The following STRN3 variants were observed in gnomAD, a reference collection of about 807,000 sequenced individuals.
The protein encoded by STRN3 is striatin 3, also known as striatin-3.
Under a neutral mutation model 95.6 loss-of-function variants are expected in STRN3, and 29 were observed. That is an observed-to-expected ratio of 0.30 (90% CI 0.23 to 0.41). STRN3 has a LOEUF of 0.41. Ranked by LOEUF, STRN3 falls within the 10% of genes least tolerant of loss-of-function variation. STRN3 has a pLI of 1.00. For missense variants in STRN3, 890 were observed against 972.1 expected (o/e 0.92, Z 1.12); for synonymous variants, 331 against 357.6 (o/e 0.93, Z 0.84).
intron 5 of STRN3, among the ~76,000 whole-genome samples, chr14:30,939,859 T>C (rs1405987576): frequency 6.6e-6 from 1 of 152,152 alleles, no homozygotes; most frequent in African/African-American, 2.4e-5. Flanking sequence ...CCATCCCACA[T>C]CCACACTTCC....
At chr14:30,993,652 T>C (rs1235634749) in intron 1 of STRN3, among the ~76,000 whole-genome samples, 1 of 152,178 alleles carries the variant, frequency 6.6e-6, no homozygotes, top group African/African-American at 2.4e-5. Context: ...ACATGTAAAA[T>C]ATGACTAACA....
rs967289334 is a variant in STRN3 at position 30,921,470 on chromosome 14, GAC to G, written c.1100-2366_1100-2365del. 1.5e-3 allele frequency among the ~76,000 whole-genome samples: 227 copies of G among 152,244 alleles called. 8 individuals carry two copies. The highest frequency in any genetic ancestry group is 0.015 in the Admixed American group (225 of 15,292). On this transcript the variant is annotated intron_variant, in intron 8 of 17. Transcript: ENST00000357479. Reference sequence around the variant, plus strand: ...TACTATAGCCTGATAGCTTCAGTGTGACACAGTGCCAAGTTGAGGAAATGATG... The same window carrying G: ...TACTATAGCCTGATAGCTTCAGTGTGACAGTGCCAAGTTGAGGAAATGATG...
chr14:30,988,261 C>A (rs1381799412), intron 1 of STRN3, among the ~76,000 whole-genome samples: 1 of 152,128 alleles, frequency 6.6e-6, no homozygotes, highest in East Asian at 1.9e-4. Context: ...AGCACTTTGG[C>A]CTCATAAGCA....
At chr14:30,918,842 C>T in intron 9 of STRN3, 124 bp downstream of exon 9, 2 of 1,007,286 alleles carry the variant, frequency 2.0e-6, no homozygotes, top group South Asian at 3.4e-5. Context: ...TTGCCCAACA[C>T]CTTCTCTAAA....
At chr14:30,943,339 TTAGGAG>T (rs1879184352) in intron 5 of STRN3, among the ~76,000 whole-genome samples, 1 of 152,110 alleles carries the variant, frequency 6.6e-6, no homozygotes, top group Admixed American at 6.5e-5. Flanking sequence ...TCTTAGCACT[TTAGGAG>T]GCTGAGGCAG....
intron 15 of STRN3, among the ~76,000 whole-genome samples, chr14:30,904,137 C>G (rs766839988): frequency 1.3e-5 from 2 of 152,150 alleles, no homozygotes; most frequent in African/African-American, 2.4e-5. Flanking sequence ...AATACCATTT[C>G]CCACTAAAAG....
chr14:30,974,525 C>G (rs778346432), intron 1 of STRN3, among the ~76,000 whole-genome samples: 5 of 151,012 alleles, frequency 3.3e-5, no homozygotes, highest in Non-Finnish European at 7.4e-5. Context: ...TTATCAAAAT[C>G]CCAACTTTAT....
At chr14:30,908,971 T>C (rs1896538734) in intron 13 of STRN3, among the ~76,000 whole-genome samples, 4 of 152,244 alleles carry the variant, frequency 2.6e-5, no homozygotes. Context: ...GCCTAAAATC[T>C]GAACTCACCA....
chr14:30,984,137 A>AGC (rs1211021789), intron 1 of STRN3, among the ~76,000 whole-genome samples: 4,228 of 56,174 alleles, frequency 0.075, 118 homozygotes, highest in Non-Finnish European at 0.12. Context: ...GCCCCCCCCA[A>AGC]CCCCCCCCCA....
chr14:30,988,790 T>C (rs967088786), intron 1 of STRN3, among the ~76,000 whole-genome samples: 2 of 152,242 alleles, frequency 1.3e-5, no homozygotes, highest in Non-Finnish European at 2.9e-5. Flanking sequence ...AAGTGAAACA[T>C]GCAACATTCC....
chr14:30,946,922 T>C lies in STRN3; in HGVS notation c.716+168A>G, dbSNP rs142557390. Among the ~76,000 whole-genome samples, 186 of 146,148 alleles carry C rather than the reference T, an allele frequency of 1.3e-3. 2 individuals carry two copies. In the East Asian group the frequency reaches 0.03, roughly 24 times the overall value. ...TGAGCCTGGGAGGCGGAGGTTGCAG[T>C]GAGCCGAGATCGTACCATTGCACTC... On this transcript the variant is annotated intron_variant, in intron 5 of 17. Coordinates refer to ENST00000357479, the MANE Select transcript of STRN3 (RefSeq NM_001083893.2).
At chr14:30,948,809 A>G (rs925708296) in intron 4 of STRN3, among the ~76,000 whole-genome samples, 1 of 152,204 alleles carries the variant, frequency 6.6e-6, no homozygotes, top group African/African-American at 2.4e-5. Flanking sequence ...TATGAGAGGA[A>G]TACTGTCCAA....
At chr14:30,918,499 A>T (rs1896796496) in intron 9 of STRN3, among the ~76,000 whole-genome samples, 1 of 142,694 alleles carries the variant, frequency 7.0e-6, no homozygotes, top group Non-Finnish European at 1.5e-5. Flanking sequence ...ACAGAGTGAG[A>T]CTCTGTCTCA....
chr14:30,916,338 G>C (rs982594040), intron 9 of STRN3, among the ~76,000 whole-genome samples: 1 of 149,784 alleles, frequency 6.7e-6, no homozygotes, highest in African/African-American at 2.5e-5. Context: ...GCAGTGGCGC[G>C]ATCTCGGCTC....
At chr14:30,998,309 G>A (rs923860923) in intron 1 of STRN3, among the ~76,000 whole-genome samples, 9 of 152,098 alleles carry the variant, frequency 5.9e-5, no homozygotes, top group African/African-American at 2.2e-4. Context: ...GGCTGCCTGA[G>A]GTATAAGATA....
At chr14:30,911,627 T>C (rs1896612455) in intron 12 of STRN3, 150 bp downstream of exon 12, 1 of 727,250 alleles carries the variant, frequency 1.4e-6, no homozygotes, top group Non-Finnish European at 2.2e-6. Flanking sequence ...ATATTCATAG[T>C]CTCACCAATA....
rs77799380 is a variant in STRN3 at position 30,992,645 on chromosome 14, G to C, written c.282+33259C>G. Among the ~76,000 whole-genome samples the C allele has an allele frequency of 3.9e-3, 572 of 147,974 alleles. 2 individuals carry two copies. The highest frequency in any genetic ancestry group is 0.013 in the African/African-American group (537 of 40,360). ...TGAAATACCTTTTCAAGAGTATAAA[G>C]ACTAAATAAAACTGCTACTGGTGCT... is the stretch of plus-strand genomic sequence containing the variant. On this transcript the variant is annotated intron_variant, in intron 1 of 17. Coordinates refer to ENST00000357479, the MANE Select transcript of STRN3 (RefSeq NM_001083893.2).
chr14:30,912,900 GA>G (rs1019324570), intron 10 of STRN3, among the ~76,000 whole-genome samples: 4 of 150,740 alleles, frequency 2.7e-5, no homozygotes, highest in East Asian at 3.9e-4. Context: ...ATTATAAAAA[GA>G]AAAAAAAATT....
intron 1 of STRN3, among the ~76,000 whole-genome samples, chr14:31,003,276 G>A (rs999070345): frequency 8.6e-5 from 12 of 139,970 alleles, no homozygotes; most frequent in African/African-American, 1.1e-4. Flanking sequence ...AAAAAAAAAA[G>A]AAAAGAAAAA....
Sources: allele counts gnomAD v4.1 joint callset (sites outside exome capture counted in the v4.1 genomes callset), GRCh38; gene constraint gnomAD v4.1.1; transcripts MANE v1.5; gene names NCBI Gene and HGNC (gene_info 2026-07-23, HGNC 2026-07-21).